SPAG16: variants seen among roughly 807,000 people sequenced by gnomAD.
SPAG16 encodes the protein sperm associated antigen 16, also known as sperm-associated antigen 16 protein.
In SPAG16, 86 loss-of-function variants were observed where a neutral mutation model predicts 80.4. That is an observed-to-expected ratio of 1.07 (90% confidence interval 0.90 to 1.28). SPAG16 has a LOEUF of 1.28. Among genes scored for constraint, SPAG16 ranks in the 50% most tolerant of loss-of-function variants. The probability of loss-of-function intolerance (pLI) is 0.00; values close to 1 mark genes in which losing one functional copy is unlikely to be tolerated. For missense variants in SPAG16, 870 were observed against 765.3 expected (o/e 1.14, Z -1.61); for synonymous variants, 294 against 265.9 (o/e 1.11, Z -1.03).
At chr2:214,176,434 T>TTATC (rs1331461570) in intron 15 of SPAG16, among the ~76,000 whole-genome samples, 1 of 151,376 alleles carries the variant, frequency 6.6e-6, no homozygotes. Context: ...TATGCCCCTC[T>TTATC]TATCTGTTCA....
At chr2:213,297,209 G>A (rs1025109923) in intron 2 of SPAG16, 53 bp from the exon 3 acceptor site, 3 of 1,500,316 alleles carry the variant, frequency 2.0e-6, no homozygotes, top group African/African-American at 2.8e-5. Context: ...GTGAAATAAA[G>A]TATTTTATAT....
At chr2:213,423,811 C>G (rs1203609136) in intron 9 of SPAG16, among the ~76,000 whole-genome samples, 4 of 152,162 alleles carry the variant, frequency 2.6e-5, no homozygotes, top group African/African-American at 9.7e-5. Flanking sequence ...AAACTAAGCT[C>G]AAATTTAAGA....
intron 11 of SPAG16, among the ~76,000 whole-genome samples, chr2:213,907,239 A>T (rs1362667778): frequency 6.6e-6 from 1 of 152,182 alleles, no homozygotes; most frequent in Non-Finnish European, 1.5e-5. Flanking sequence ...GACATATTTT[A>T]AAAGAAGATG....
At chr2:214,339,143 T>C (rs1455613399) in intron 15 of SPAG16, among the ~76,000 whole-genome samples, 1 of 152,190 alleles carries the variant, frequency 6.6e-6, no homozygotes, top group Non-Finnish European at 1.5e-5. Flanking sequence ...AGTAAGGTGC[T>C]ATTTAGAGGT....
intron 10 of SPAG16, among the ~76,000 whole-genome samples, chr2:213,674,578 T>C (rs539134289): frequency 1.4e-5 from 2 of 148,008 alleles, no homozygotes; most frequent in East Asian, 1.9e-4. Flanking sequence ...TGTTCCCCTT[T>C]CTGTGTCCAT....
At chr2:213,628,431 A>T (rs1026571219) in intron 10 of SPAG16, among the ~76,000 whole-genome samples, 3 of 152,158 alleles carry the variant, frequency 2.0e-5, no homozygotes, top group Non-Finnish European at 4.4e-5. Context: ...TAGTCTCTTT[A>T]TTATCTTTGT....
chr2:213,565,447 C>A (rs1005878973), intron 10 of SPAG16, among the ~76,000 whole-genome samples: 15 of 152,178 alleles, frequency 9.9e-5, no homozygotes, highest in African/African-American at 3.4e-4. Context: ...CATAAAATAT[C>A]ATTTGTTATA....
intron 11 of SPAG16, among the ~76,000 whole-genome samples, chr2:213,867,799 C>T (rs1171162070): frequency 6.6e-6 from 1 of 151,488 alleles, no homozygotes; most frequent in Non-Finnish European, 1.5e-5. Context: ...TGGCGGGCAC[C>T]TGTAGTCCCA....
intron 15 of SPAG16, among the ~76,000 whole-genome samples, chr2:214,153,348 G>C (rs1373015457): frequency 6.6e-6 from 1 of 152,126 alleles, no homozygotes; most frequent in Non-Finnish European, 1.5e-5. Flanking sequence ...CATGATTATA[G>C]AGTGAGGATT....
intron 8 of SPAG16, among the ~76,000 whole-genome samples, chr2:213,371,102 A>C (rs11696036): frequency 3.9e-5 from 6 of 151,930 alleles, no homozygotes; most frequent in Admixed American, 1.3e-4. Flanking sequence ...TTGGTATCCT[A>C]CTTAGGGACT....
At chr2:214,133,837 G>C (rs538611790) in intron 14 of SPAG16, among the ~76,000 whole-genome samples, 5 of 152,256 alleles carry the variant, frequency 3.3e-5, no homozygotes, top group African/African-American at 1.2e-4. Flanking sequence ...GGGATAAAAA[G>C]CTCTGGTGAT....
At chr2:213,519,112 C>T (rs1012187893) in intron 10 of SPAG16, among the ~76,000 whole-genome samples, 2 of 152,186 alleles carry the variant, frequency 1.3e-5, no homozygotes, top group African/African-American at 4.8e-5. Flanking sequence ...ATACTATGCT[C>T]ACTACCCGAG....
chr2:213,429,542 C>T (rs749455331), intron 9 of SPAG16, among the ~76,000 whole-genome samples: 3 of 152,170 alleles, frequency 2.0e-5, no homozygotes, highest in Non-Finnish European at 4.4e-5. Flanking sequence ...GTTCGGCCTA[C>T]ACAATCCAAT....
In SPAG16 at chr2:214,167,959, C is replaced by A. The variant is rs1000424433; in HGVS notation, c.1720+18693C>A. On this transcript the variant is annotated intron_variant, in intron 15 of 15. Coordinates refer to ENST00000331683, the MANE Select transcript of SPAG16 (RefSeq NM_024532.5). ...ATTCCTTAATTTTTCTTTTCTTTTTCTTTTTTTCTGTTTTCTTTTCTTTTT... is the reference window on the plus strand; with the variant it reads ...ATTCCTTAATTTTTCTTTTCTTTTTATTTTTTTCTGTTTTCTTTTCTTTTT... Among the ~76,000 whole-genome samples the A allele has an allele frequency of 4.8e-5, 7 of 147,254 alleles. No homozygotes were observed. In the South Asian group the frequency reaches 8.5e-4, roughly 18 times the overall value.
At chr2:214,140,673 A>G (rs1449342178) in intron 14 of SPAG16, among the ~76,000 whole-genome samples, 3 of 151,778 alleles carry the variant, frequency 2.0e-5, no homozygotes, top group Non-Finnish European at 4.4e-5. Context: ...TATTCCCTTT[A>G]TTATTCTTTA....
intron 10 of SPAG16, among the ~76,000 whole-genome samples, chr2:213,551,488 G>T (rs1222131486): frequency 6.6e-6 from 1 of 152,106 alleles, no homozygotes; most frequent in East Asian, 1.9e-4. Flanking sequence ...TTAGGTTTTG[G>T]TATCAGAGTA....
chr2:214,280,929 T>G (rs1692880766), intron 15 of SPAG16: 2 of 439,192 alleles, frequency 4.6e-6, no homozygotes, highest in Non-Finnish European at 8.7e-6. Flanking sequence ...GCTGATAATG[T>G]GCTTCCAGTG....
chr2:214,216,313 T>C (rs2058430447), intron 15 of SPAG16, among the ~76,000 whole-genome samples: 1 of 151,928 alleles, frequency 6.6e-6, no homozygotes, highest in Non-Finnish European at 1.5e-5. Flanking sequence ...GCTGTGATGA[T>C]GATGATGATG....
chr2:214,352,082 T>TG (rs35523556), intron 15 of SPAG16, among the ~76,000 whole-genome samples: 104,131 of 151,962 alleles, frequency 0.69, 40,393 homozygotes, highest in South Asian at 0.87. Context: ...CAAGCTGCCT[T>TG]GCACCTGTGT....
Sources: allele counts gnomAD v4.1 joint callset (sites outside exome capture counted in the v4.1 genomes callset), GRCh38; gene constraint gnomAD v4.1.1; transcripts MANE v1.5; gene names NCBI Gene and HGNC (gene_info 2026-07-23, HGNC 2026-07-21).